Variants in CCDC171 observed in about 807,000 individuals in gnomAD.
CCDC171 encodes the protein coiled-coil domain containing 171, also known as coiled-coil domain-containing protein 171.
CCDC171 carries 177 observed loss-of-function variants against 168.2 expected under a neutral mutation model. The ratio of observed to expected loss-of-function variants is 1.05; its 90% CI spans 0.93 to 1.19. The LOEUF (loss-of-function observed/expected upper bound fraction) is 1.19. Ranked by LOEUF, CCDC171 falls within the 50% of genes most tolerant of loss-of-function variation. The probability of loss-of-function intolerance (pLI) is 0.00; values close to 1 mark genes in which losing one functional copy is unlikely to be tolerated. For synonymous variants in CCDC171, 687 were observed against 540.8 expected (o/e 1.27, Z -3.75); for missense variants, 1,991 against 1,539.0 (o/e 1.29, Z -4.91).
intron 16 of CCDC171, 150 bp downstream of exon 16, chr9:15,729,948 C>T: frequency 1.8e-6 from 1 of 564,744 alleles, no homozygotes; most frequent in East Asian, 2.7e-5. Context: ...TGTTTAGATA[C>T]ACACACATAC....
chr9:15,636,689 G>C (rs1383439526), intron 7 of CCDC171, among the ~76,000 whole-genome samples: 5 of 146,070 alleles, frequency 3.4e-5, no homozygotes, highest in Non-Finnish European at 7.4e-5. Flanking sequence ...GTTTGGGCCT[G>C]CAGTGAGCTG....
At chr9:15,791,529 T>C (rs2058262059) in intron 21 of CCDC171, among the ~76,000 whole-genome samples, 1 of 152,244 alleles carries the variant, frequency 6.6e-6, no homozygotes, top group Non-Finnish European at 1.5e-5. Flanking sequence ...TATACAATCA[T>C]GTCATCTGCA....
At chr9:15,718,169 C>G (rs1286786544) in intron 11 of CCDC171, among the ~76,000 whole-genome samples, 20 of 152,186 alleles carry the variant, frequency 1.3e-4, no homozygotes, top group Non-Finnish European at 2.8e-4. Context: ...GCTCTTGGAC[C>G]TTGAGTGAGC....
At chr9:15,597,220 T>G (rs190106970) in intron 6 of CCDC171, among the ~76,000 whole-genome samples, 8 of 152,240 alleles carry the variant, frequency 5.3e-5, no homozygotes, top group East Asian at 3.9e-4. Flanking sequence ...CCCTGTCTTG[T>G]GCCAGTTTTC....
At chr9:15,789,708 A>G (rs1156360264) in intron 21 of CCDC171, among the ~76,000 whole-genome samples, 1 of 151,868 alleles carries the variant, frequency 6.6e-6, no homozygotes, top group Non-Finnish European at 1.5e-5. Context: ...CCCATTAACT[A>G]GTCATTTACA....
intron 4 of CCDC171, among the ~76,000 whole-genome samples, 191 bp from the exon 5 acceptor site, chr9:15,591,175 A>G (rs1452751800): frequency 7.2e-5 from 11 of 152,230 alleles, no homozygotes; most frequent in Middle Eastern, 3.4e-3. Flanking sequence ...GAATAGATTG[A>G]TTTAGAGACT....
chr9:15,677,709 A>C (rs1439679247), intron 9 of CCDC171, among the ~76,000 whole-genome samples: 2 of 150,332 alleles, frequency 1.3e-5, no homozygotes, highest in Non-Finnish European at 3.0e-5. Context: ...TAACCTGAAC[A>C]ATATACATAT....
intron 3 of CCDC171, among the ~76,000 whole-genome samples, chr9:15,574,304 C>G (rs1480699803): frequency 1.3e-5 from 2 of 152,248 alleles, no homozygotes; most frequent in East Asian, 3.9e-4. Flanking sequence ...GCCACTGTGC[C>G]TGGCTAATTT....
chr9:15,623,676 A>G (rs2044770149), intron 7 of CCDC171, among the ~76,000 whole-genome samples: 1 of 152,224 alleles, frequency 6.6e-6, no homozygotes, highest in Non-Finnish European at 1.5e-5. Flanking sequence ...CTTTTGAACA[A>G]TTAACTCTCA....
chr9:15,805,313 A>C (rs2059021479), intron 21 of CCDC171, among the ~76,000 whole-genome samples: 1 of 151,670 alleles, frequency 6.6e-6, no homozygotes, highest in Non-Finnish European at 1.5e-5. Flanking sequence ...CTTGGTTCTC[A>C]AGTCCTTTTA....
At chr9:15,569,112 A>C (rs780156060) in intron 2 of CCDC171, among the ~76,000 whole-genome samples, 21 of 152,324 alleles carry the variant, frequency 1.4e-4, no homozygotes, top group Middle Eastern at 3.4e-3. Flanking sequence ...TTGTTTTCTG[A>C]AATTTCCATG....
At chr9:15,800,830 T>A (rs566103583) in intron 21 of CCDC171, among the ~76,000 whole-genome samples, 2 of 151,990 alleles carry the variant, frequency 1.3e-5, no homozygotes, top group African/African-American at 4.8e-5. Context: ...CTTCTGCATA[T>A]GGATGTTCAA....
intron 25 of CCDC171, among the ~76,000 whole-genome samples, chr9:15,936,641 C>T (rs147857223): frequency 9.0e-4 from 137 of 152,122 alleles, no homozygotes; most frequent in African/African-American, 3.1e-3. Context: ...ACTGCCTCCC[C>T]ACCTCCCCTT....
chr9:15,727,612 C>G (rs985863156), intron 14 of CCDC171, among the ~76,000 whole-genome samples: 2 of 152,112 alleles, frequency 1.3e-5, no homozygotes, highest in East Asian at 1.9e-4. Context: ...CCATCAGTAG[C>G]AGAGGTGGAG....
At chr9:15,614,315 GC>G (rs1445725597) in intron 6 of CCDC171, among the ~76,000 whole-genome samples, 2 of 152,160 alleles carry the variant, frequency 1.3e-5, no homozygotes, top group African/African-American at 4.8e-5. Context: ...CACAGTGCTG[GC>G]TAGGCTGCTG....
At chr9:15,845,862 G>A (rs545351971) in intron 21 of CCDC171, among the ~76,000 whole-genome samples, 1 of 152,114 alleles carries the variant, frequency 6.6e-6, no homozygotes, top group East Asian at 1.9e-4. Context: ...TTTAACTGAG[G>A]TCTAGAAAAT....
chr9:16,038,709 AC>A (rs765576742), upstream of CCDC171, among the ~76,000 whole-genome samples: 13 of 152,014 alleles, frequency 8.6e-5, no homozygotes, highest in Non-Finnish European at 1.6e-4. Context: ...GCAGAAATAA[AC>A]CCTAAAAAAT....
chr9:15,799,934 T>C (rs1202792173), intron 21 of CCDC171, among the ~76,000 whole-genome samples: 1 of 152,176 alleles, frequency 6.6e-6, no homozygotes, highest in African/African-American at 2.4e-5. Context: ...TCCATCTATG[T>C]TGTTGCAAAT....
exon 4 of CCDC171, chr9:16,020,714 G>T (rs1833139121): frequency 6.5e-6 from 1 of 154,384 alleles, no homozygotes; most frequent in Non-Finnish European, 1.5e-5. Flanking sequence ...ACACACCGTG[G>T]ATACCTGGAC....
Sources: gnomAD v4.1 joint callset for allele counts (sites outside exome capture counted in the v4.1 genomes callset) on GRCh38, gnomAD v4.1.1 for gene constraint, MANE v1.5 for transcripts, NCBI Gene and HGNC (gene_info 2026-07-23, HGNC 2026-07-21) for gene names.